Variants in CCDC102B observed in about 807,000 individuals in gnomAD.
CCDC102B encodes the protein coiled-coil domain containing 102B.
A neutral mutation model predicts 57.4 loss-of-function variants in CCDC102B; 75 were observed. That is an observed-to-expected ratio of 1.31 (90% CI 1.08 to 1.58). The LOEUF (loss-of-function observed/expected upper bound fraction) is 1.58. Ranked by LOEUF, CCDC102B falls within the 40% of genes most tolerant of loss-of-function variation. CCDC102B has a pLI of 0.00. For synonymous variants in CCDC102B, 206 were observed against 201.9 expected (o/e 1.02, Z -0.17); for missense variants, 636 against 582.6 (o/e 1.09, Z -0.94).
At chr18:68,901,183 G>A (rs559365349) in intron 6 of CCDC102B, among the ~76,000 whole-genome samples, 9 of 152,276 alleles carry the variant, frequency 5.9e-5, no homozygotes, top group South Asian at 2.1e-4. Context: ...CTTGATGTGC[G>A]TGTGTGATAA....
rs550164273 is a variant in CCDC102B, at chr18:68,903,555, A to G, written c.1263+6127A>G. On this transcript the variant is annotated intron_variant, in intron 6 of 7. Transcript: ENST00000360242. ...ATGATCTATAGTATCTATAGTGTAA[A>G]TACTGATTTGCTTTGTCCAACATAT... 3.3e-5 allele frequency among the ~76,000 whole-genome samples: 5 copies of G among 152,328 alleles called. No homozygotes were observed. The East Asian group carries it at 7.7e-4, about 23-fold the overall frequency.
chr18:68,893,424 A>T (rs1271238839), intron 5 of CCDC102B, among the ~76,000 whole-genome samples: 1 of 152,168 alleles, frequency 6.6e-6, no homozygotes, highest in Non-Finnish European at 1.5e-5. Context: ...GAGCCAATGT[A>T]CGGAGAAGTC....
chr18:68,988,426 A>G (rs1352176789), intron 6 of CCDC102B, among the ~76,000 whole-genome samples: 2 of 151,948 alleles, frequency 1.3e-5, no homozygotes, highest in Non-Finnish European at 2.9e-5. Context: ...GGGTTGAGCA[A>G]GGACCTACTG....
chr18:68,925,179 C>CA (rs1226305659), intron 6 of CCDC102B, among the ~76,000 whole-genome samples: 1 of 152,048 alleles, frequency 6.6e-6, no homozygotes, highest in African/African-American at 2.4e-5. Context: ...AAATGTATTA[C>CA]AAAATATATA....
At chr18:69,013,782 A>G (rs1347543276) in intron 7 of CCDC102B, among the ~76,000 whole-genome samples, 1 of 152,230 alleles carries the variant, frequency 6.6e-6, no homozygotes, top group African/African-American at 2.4e-5. Flanking sequence ...AGAGGTATAT[A>G]AGGTAATATA....
At chr18:68,776,804 T>G (rs1411299551) in intron 2 of CCDC102B, among the ~76,000 whole-genome samples, 1 of 152,182 alleles carries the variant, frequency 6.6e-6, no homozygotes, top group East Asian at 1.9e-4. Flanking sequence ...TATGTACCCC[T>G]GAACTTTAAA....
At chr18:69,011,667 A>T (rs1210913681) in intron 7 of CCDC102B, among the ~76,000 whole-genome samples, 1 of 151,816 alleles carries the variant, frequency 6.6e-6, no homozygotes, top group Non-Finnish European at 1.5e-5. Flanking sequence ...TTACAAACAA[A>T]GTTGTTTTTG....
chr18:69,023,595 G>A (rs2051906052), intron 7 of CCDC102B, among the ~76,000 whole-genome samples: 1 of 151,650 alleles, frequency 6.6e-6, no homozygotes, highest in African/African-American at 2.4e-5. Flanking sequence ...TCACAGTTAA[G>A]CCTTACCACA....
chr18:68,802,418 G>T (rs1002807025), intron 1 of CCDC102B, among the ~76,000 whole-genome samples: 1 of 152,122 alleles, frequency 6.6e-6, no homozygotes, highest in African/African-American at 2.4e-5. Context: ...CCCTCTAAAG[G>T]TGTTAATGCT....
intron 6 of CCDC102B, among the ~76,000 whole-genome samples, chr18:68,957,985 A>C (rs561666877): frequency 8.5e-5 from 13 of 152,262 alleles, no homozygotes; most frequent in Admixed American, 4.6e-4. Context: ...TACAAAAGAG[A>C]GGTTTAATGG....
chr18:68,909,375 T>G (rs753598327), intron 6 of CCDC102B, among the ~76,000 whole-genome samples: 1 of 152,176 alleles, frequency 6.6e-6, no homozygotes, highest in Non-Finnish European at 1.5e-5. Context: ...CCAAATGACC[T>G]ATGTTAAAGG....
rs529307245 is a variant in CCDC102B at position 68,895,296 on chromosome 18, T to G, written c.1054-1923T>G. Among the ~76,000 whole-genome samples, 7 of 151,856 alleles carry G rather than the reference T, an allele frequency of 4.6e-5. No individual in the cohort carries two copies. In the East Asian group the frequency reaches 1.4e-3, roughly 29 times the overall value. On this transcript the variant is annotated intron_variant, in intron 5 of 7. Coordinates refer to ENST00000360242, the MANE Select transcript of CCDC102B (RefSeq NM_024781.3). ...AAGAATGTAATTTTGGTTTCCTACA[T>G]TTTGGAAGCCAGAACATCTCTTAGA...
intron 7 of CCDC102B, among the ~76,000 whole-genome samples, chr18:69,024,366 G>T (rs868253810): frequency 1.3e-5 from 2 of 152,060 alleles, no homozygotes; most frequent in Non-Finnish European, 2.9e-5. Flanking sequence ...TTCTAAGGCT[G>T]TGAATTCTCA....
chr18:68,923,956 T>A (rs1159848209), intron 6 of CCDC102B, among the ~76,000 whole-genome samples: 2 of 152,090 alleles, frequency 1.3e-5, no homozygotes, highest in African/African-American at 4.8e-5. Flanking sequence ...ACAGCTATTA[T>A]ACTTTCCTGA....
At chr18:68,985,089 A>G (rs2050689470) in intron 6 of CCDC102B, among the ~76,000 whole-genome samples, 1 of 152,120 alleles carries the variant, frequency 6.6e-6, no homozygotes, top group African/African-American at 2.4e-5. Context: ...AGTCTACACA[A>G]TTTGTATACC....
chr18:68,800,160 G>A (rs1160595614), intron 1 of CCDC102B, among the ~76,000 whole-genome samples: 4 of 152,092 alleles, frequency 2.6e-5, no homozygotes, highest in Admixed American at 6.6e-5. Context: ...GTTCAGAAAC[G>A]TTCAATGATT....
chr18:68,969,676 G>A lies in CCDC102B; in HGVS notation c.1264-41258G>A, dbSNP rs147941087. On this transcript the variant is annotated intron_variant, in intron 6 of 7. Transcript: ENST00000360242. ...ATTTACTTTTTAAATATTTTGTTGTGTTTTTTTGTGTTATTTTTCAGGGTT... is the reference window on the plus strand; with the variant it reads ...ATTTACTTTTTAAATATTTTGTTGTATTTTTTTGTGTTATTTTTCAGGGTT... Among the ~76,000 whole-genome samples the A allele has an allele frequency of 7.0e-3, 1,053 of 151,234 alleles. 20 individuals are homozygous for A. Among genetic ancestry groups the A allele is most frequent in the African/African-American group, 0.024 (998 of 41,242 alleles).
At chr18:69,022,121 A>C (rs945143683) in intron 7 of CCDC102B, among the ~76,000 whole-genome samples, 2 of 151,626 alleles carry the variant, frequency 1.3e-5, no homozygotes, top group African/African-American at 2.4e-5. Context: ...AAAGACTTAG[A>C]CCATGGTCTT....
chr18:68,872,428 T>C (rs1348548472), intron 4 of CCDC102B, among the ~76,000 whole-genome samples: 1 of 152,202 alleles, frequency 6.6e-6, no homozygotes, highest in Non-Finnish European at 1.5e-5. Flanking sequence ...TCTTTATGTA[T>C]TTAAAAAATT....
Sources: gnomAD v4.1 joint callset for allele counts (sites outside exome capture counted in the v4.1 genomes callset) on GRCh38, gnomAD v4.1.1 for gene constraint, MANE v1.5 for transcripts, NCBI Gene and HGNC (gene_info 2026-07-23, HGNC 2026-07-21) for gene names.